The following FOXP2 variants were observed in gnomAD, a reference collection of about 807,000 sequenced individuals.
FOXP2 encodes the protein forkhead box protein P2.
FOXP2 carries 12 observed loss-of-function variants against 115.8 expected under a neutral mutation model. The observed-to-expected ratio is 0.10, with a 90% CI of 0.07 to 0.17. The LOEUF (loss-of-function observed/expected upper bound fraction) is 0.17, where lower values mean the gene tolerates loss of function less well. FOXP2 is among the 10% of genes least tolerant of loss of function. The pLI is 1.00. For missense variants in FOXP2, 629 were observed against 843.5 expected (o/e 0.75, Z 3.15); for synonymous variants, 328 against 297.7 (o/e 1.10, Z -1.05).
chr7:114,642,594 G>A lies in FOXP2; in HGVS notation c.960G>A (p.Gln320=). The A allele has an allele frequency of 6.2e-7, 1 of 1,613,624 alleles. No individual in the cohort carries two copies. The change falls in exon 7 of 17, where the codon CAG becomes CAA. Residue 320 remains glutamine, a synonymous_variant. Coordinates refer to ENST00000350908, the MANE Select transcript of FOXP2 (RefSeq NM_014491.4). ...CTCATCATTCCATAGTGAATGGACA[G>A]TCTTCAGTTCTAAGTGCAAGACGAG... The part of the protein sequence containing the change: ...PITHHSIVNG[Q]SSVLSARRDS...
At chr7:114,162,563 TA>T (rs979390428), upstream of FOXP2, among the ~76,000 whole-genome samples, 14 of 151,918 alleles carry the variant, frequency 9.2e-5, no homozygotes, top group East Asian at 5.8e-4. Flanking sequence ...CCTAAGACAT[TA>T]AAAAAAATGA....
intron 2 of FOXP2, among the ~76,000 whole-genome samples, chr7:114,288,357 T>C (rs76884158): frequency 6.6e-6 from 1 of 151,894 alleles, no homozygotes; most frequent in Non-Finnish European, 1.5e-5. Flanking sequence ...AAAACCAGTA[T>C]ACACTTATGG....
At chr7:114,504,023 A>G (rs1319411280) in intron 2 of FOXP2, among the ~76,000 whole-genome samples, 1 of 151,730 alleles carries the variant, frequency 6.6e-6, no homozygotes, top group African/African-American at 2.4e-5. Context: ...GCCAAATATG[A>G]TGGCTAGGTA....
intron 3 of FOXP2, among the ~76,000 whole-genome samples, chr7:114,605,876 G>T (rs1288363373): frequency 6.6e-6 from 1 of 152,156 alleles, no homozygotes; most frequent in Non-Finnish European, 1.5e-5. Context: ...TTTGACAAGG[G>T]TAGTGGCCTA....
At chr7:114,216,965 C>A (rs1371442853) in intron 1 of FOXP2, among the ~76,000 whole-genome samples, 1 of 152,066 alleles carries the variant, frequency 6.6e-6, no homozygotes, top group Admixed American at 6.6e-5. Context: ...AAAATAATCC[C>A]CTTATTGACA....
intron 1 of FOXP2, among the ~76,000 whole-genome samples, chr7:114,190,414 T>C (rs999907540): frequency 1.3e-5 from 2 of 152,176 alleles, no homozygotes; most frequent in Non-Finnish European, 2.9e-5. Flanking sequence ...TTTCTCCTGC[T>C]CTTGGACATC....
At chr7:114,491,432 A>C (rs938655215) in intron 2 of FOXP2, among the ~76,000 whole-genome samples, 31 of 152,070 alleles carry the variant, frequency 2.0e-4, no homozygotes, top group Non-Finnish European at 4.0e-4. Flanking sequence ...GTAGATTGCA[A>C]AAATTTTCTC....
chr7:114,266,492 A>C (rs1241675948), intron 1 of FOXP2, among the ~76,000 whole-genome samples: 1 of 152,148 alleles, frequency 6.6e-6, no homozygotes, highest in Non-Finnish European at 1.5e-5. Context: ...GGCATTTCAC[A>C]TGGCAAAAGC....
At chr7:114,594,970 C>T (rs2129310201) in intron 3 of FOXP2, among the ~76,000 whole-genome samples, 1 of 152,076 alleles carries the variant, frequency 6.6e-6, no homozygotes, top group South Asian at 2.1e-4. Flanking sequence ...AAGTCATATA[C>T]CTTTAATTAA....
intron 16 of FOXP2, among the ~76,000 whole-genome samples, chr7:114,688,247 A>AC (rs1554445357): frequency 1.4e-5 from 1 of 71,570 alleles, no homozygotes; most frequent in Non-Finnish European, 4.3e-5. Flanking sequence ...ACACACACAC[A>AC]TCTTTTTTTT....
At chr7:114,656,894 C>T (rs942172269) in intron 10 of FOXP2, among the ~76,000 whole-genome samples, 3 of 152,056 alleles carry the variant, frequency 2.0e-5, no homozygotes, top group African/African-American at 7.2e-5. Context: ...AAAGGTTTAT[C>T]TTAAGAAGTG....
intron 1 of FOXP2, among the ~76,000 whole-genome samples, chr7:114,095,995 C>A (rs112307708): frequency 1.7e-3 from 263 of 152,318 alleles, no homozygotes; most frequent in African/African-American, 5.9e-3. Context: ...AGACATCTTT[C>A]TTCTTCCCTT....
chr7:114,679,244 C>T (rs867662151), intron 16 of FOXP2, among the ~76,000 whole-genome samples: 14 of 152,132 alleles, frequency 9.2e-5, no homozygotes, highest in East Asian at 1.9e-4. Flanking sequence ...GGATTACAGG[C>T]GTGAACCACC....
intron 1 of FOXP2, among the ~76,000 whole-genome samples, chr7:114,273,669 G>A (rs1289586592): frequency 6.6e-6 from 1 of 151,940 alleles, no homozygotes; most frequent in Non-Finnish European, 1.5e-5. Flanking sequence ...TGTCTTCTTA[G>A]AGAATTGACC....
chr7:114,150,024 C>T (rs566312261), intron 1 of FOXP2, among the ~76,000 whole-genome samples: 1 of 152,082 alleles, frequency 6.6e-6, no homozygotes, highest in Non-Finnish European at 1.5e-5. Context: ...CTAGCAAGTG[C>T]TAATTTTTAA....
chr7:114,430,249 C>A (rs1272842087), intron 2 of FOXP2, among the ~76,000 whole-genome samples: 2 of 151,610 alleles, frequency 1.3e-5, no homozygotes, highest in Non-Finnish European at 3.0e-5. Flanking sequence ...ATTGTTTAAG[C>A]AAAAGTTTTA....
chr7:114,596,982 C>A (rs571417109), intron 3 of FOXP2, among the ~76,000 whole-genome samples: 1 of 152,100 alleles, frequency 6.6e-6, no homozygotes, highest in East Asian at 1.9e-4. Flanking sequence ...AAGTAGCAGA[C>A]CATTTTCTTT....
intron 3 of FOXP2, among the ~76,000 whole-genome samples, chr7:114,564,068 C>A (rs1317081365): frequency 2.7e-5 from 4 of 148,614 alleles, no homozygotes; most frequent in Non-Finnish European, 5.9e-5. Context: ...TGTCAAAAAA[C>A]AAACATACAA....
At chr7:114,427,270 TCTC>T (rs1793899604) in intron 2 of FOXP2, among the ~76,000 whole-genome samples, 1 of 151,626 alleles carries the variant, frequency 6.6e-6, no homozygotes, top group African/African-American at 2.4e-5. Flanking sequence ...CTTTTTGTGT[TCTC>T]CTAAGTGTCT....
Sources: allele counts gnomAD v4.1 joint callset (sites outside exome capture counted in the v4.1 genomes callset), GRCh38; gene constraint gnomAD v4.1.1; transcripts MANE v1.5; gene names NCBI Gene and HGNC (gene_info 2026-07-23, HGNC 2026-07-21).